Variants in SGK3 observed in about 807,000 individuals in gnomAD.
The protein encoded by SGK3 is serine/threonine-protein kinase Sgk3.
Under a neutral mutation model 68.5 loss-of-function variants are expected in SGK3, and 47 were observed. That is an observed-to-expected ratio of 0.69 (90% CI 0.54 to 0.87). The LOEUF (loss-of-function observed/expected upper bound fraction) is 0.87. Ranked by LOEUF, SGK3 falls within the 40% of genes least tolerant of loss-of-function variation. SGK3 has a pLI of 0.00. For missense variants in SGK3, 479 were observed against 575.5 expected (o/e 0.83, Z 1.72); for synonymous variants, 181 against 189.1 (o/e 0.96, Z 0.35).
intron 1 of SGK3, among the ~76,000 whole-genome samples, chr8:66,763,319 A>G (rs1023800475): frequency 4.6e-5 from 7 of 152,176 alleles, no homozygotes; most frequent in South Asian, 2.1e-4. Flanking sequence ...ATATATTTCA[A>G]TTCATAATGG....
intron 1 of SGK3, among the ~76,000 whole-genome samples, chr8:66,765,842 G>A (rs980251348): frequency 4.0e-5 from 6 of 151,876 alleles, no homozygotes; most frequent in Admixed American, 6.6e-5. Context: ...TGACTAACAC[G>A]GTGAAACTCT....
intron 13 of SGK3, among the ~76,000 whole-genome samples, chr8:66,842,222 C>T (rs151071490): frequency 6.7e-6 from 1 of 148,418 alleles, no homozygotes; most frequent in East Asian, 2.0e-4. Context: ...TTTTTCTTTT[C>T]CTTTTTTTTT....
At chr8:66,725,854 G>A (rs1804971126) in intron 1 of SGK3, among the ~76,000 whole-genome samples, 1 of 151,926 alleles carries the variant, frequency 6.6e-6, no homozygotes, top group Admixed American at 6.6e-5. Flanking sequence ...AGTTATCTGC[G>A]GTATTTTGCC....
intron 4 of SGK3, among the ~76,000 whole-genome samples, chr8:66,807,410 T>C (rs1291095671): frequency 6.6e-6 from 1 of 152,208 alleles, no homozygotes; most frequent in Non-Finnish European, 1.5e-5. Context: ...GCTGCTTCAT[T>C]GTTAAAGGCA....
intron 1 of SGK3, among the ~76,000 whole-genome samples, chr8:66,762,913 T>A (rs937949117): frequency 6.6e-6 from 1 of 152,234 alleles, no homozygotes; most frequent in African/African-American, 2.4e-5. Flanking sequence ...TTAATGAGAT[T>A]TAGATTCAAG....
intron 1 of SGK3, among the ~76,000 whole-genome samples, chr8:66,713,623 C>G (rs1804553565): frequency 6.6e-6 from 1 of 152,210 alleles, no homozygotes; most frequent in Admixed American, 6.5e-5. Flanking sequence ...TCCCTTCTCA[C>G]CAGATTGAGA....
At chr8:66,718,239 G>A (rs1357677449) in intron 1 of SGK3, among the ~76,000 whole-genome samples, 1 of 147,248 alleles carries the variant, frequency 6.8e-6, no homozygotes. Context: ...TGGCCAGGCT[G>A]GTCTCAAACT....
intron 1 of SGK3, among the ~76,000 whole-genome samples, chr8:66,733,588 T>C (rs1241423069): frequency 6.6e-6 from 1 of 152,220 alleles, no homozygotes; most frequent in Non-Finnish European, 1.5e-5. Flanking sequence ...TTAATAGCTG[T>C]AGGGAATCTG....
chr8:66,752,148 T>C (rs1160933885), intron 1 of SGK3, among the ~76,000 whole-genome samples: 1 of 152,138 alleles, frequency 6.6e-6, no homozygotes, highest in East Asian at 1.9e-4. Flanking sequence ...CATTGTGCCA[T>C]GTGCCAACAA....
At chr8:66,754,697 C>T (rs1361021301) in intron 1 of SGK3, among the ~76,000 whole-genome samples, 2 of 152,216 alleles carry the variant, frequency 1.3e-5, no homozygotes, top group Non-Finnish European at 2.9e-5. Context: ...ATGCATTGAA[C>T]TATCAGAAAG....
At chr8:66,798,026 A>G (rs1447857538) in intron 2 of SGK3, among the ~76,000 whole-genome samples, 1 of 149,998 alleles carries the variant, frequency 6.7e-6, no homozygotes, top group African/African-American at 2.5e-5. Flanking sequence ...TTTTTTTTCC[A>G]AGTCATGATC....
intron 2 of SGK3, 145 bp downstream of exon 2, chr8:66,793,977 A>G (rs1181469916): frequency 2.3e-6 from 2 of 864,406 alleles, no homozygotes; most frequent in South Asian, 1.8e-5. Context: ...TGTTCTCCAC[A>G]AAGTCTTCTG....
chr8:66,756,997 T>C (rs1237340721), intron 1 of SGK3, among the ~76,000 whole-genome samples: 1 of 152,088 alleles, frequency 6.6e-6, no homozygotes, highest in East Asian at 1.9e-4. Context: ...TGCTTCTAAG[T>C]TTATTATATA....
chr8:66,749,422 TA>T (rs1263509604), intron 1 of SGK3, among the ~76,000 whole-genome samples: 1 of 151,994 alleles, frequency 6.6e-6, no homozygotes, highest in East Asian at 1.9e-4. Flanking sequence ...AGAATAACAG[TA>T]AAAACCCAGC....
At chr8:66,737,159 C>T (rs1300294437) in intron 1 of SGK3, 1 of 151,428 alleles carries the variant, frequency 6.6e-6, no homozygotes, top group Non-Finnish European at 1.5e-5. Flanking sequence ...ATTTTATTGC[C>T]TTGACTTTGT....
intron 1 of SGK3, among the ~76,000 whole-genome samples, chr8:66,782,111 C>T (rs1401599457): frequency 1.3e-5 from 2 of 152,314 alleles, no homozygotes; most frequent in East Asian, 3.9e-4. Context: ...CAGAAATAAA[C>T]AGATACAGAT....
At chr8:66,747,786 A>T (rs1445823672) in intron 1 of SGK3, among the ~76,000 whole-genome samples, 1 of 152,178 alleles carries the variant, frequency 6.6e-6, no homozygotes, top group Admixed American at 6.6e-5. Flanking sequence ...ACTTTAATAT[A>T]AAGCTAAAAA....
chr8:66,758,564 A>G (rs1381932647), intron 1 of SGK3, among the ~76,000 whole-genome samples: 1 of 152,146 alleles, frequency 6.6e-6, no homozygotes, highest in Non-Finnish European at 1.5e-5. Flanking sequence ...AGATATATAA[A>G]TCAGGTCTTA....
intron 1 of SGK3, among the ~76,000 whole-genome samples, chr8:66,790,278 A>G (rs1378761291): frequency 6.6e-6 from 1 of 152,200 alleles, no homozygotes; most frequent in Non-Finnish European, 1.5e-5. Context: ...TTATGAGACA[A>G]TGAAAGATGG....
Sources: allele counts gnomAD v4.1 joint callset (sites outside exome capture counted in the v4.1 genomes callset), GRCh38; gene constraint gnomAD v4.1.1; transcripts MANE v1.5; gene names NCBI Gene and HGNC (gene_info 2026-07-23, HGNC 2026-07-21).